Variants in PTPRD observed in about 807,000 individuals in gnomAD.
PTPRD encodes protein tyrosine phosphatase receptor type D, also known as receptor-type tyrosine-protein phosphatase delta.
In PTPRD, 34 loss-of-function variants were observed where a neutral mutation model predicts 214.5. That is an observed-to-expected ratio of 0.16 (90% CI 0.12 to 0.21). PTPRD has a LOEUF of 0.21. Among genes scored for constraint, PTPRD ranks in the 10% least tolerant of loss-of-function variants. PTPRD has a pLI of 1.00. For synonymous variants in PTPRD, 1,128 were observed against 845.7 expected, an observed-to-expected ratio of 1.33 and a Z score of -5.79; for missense variants, 2,545 against 2,398.7, an observed-to-expected ratio of 1.06 and a Z score of -1.27.
chr9:10,551,373 T>C lies in PTPRD; in HGVS notation c.-600+61025A>G, dbSNP rs1345940946. Among the ~76,000 whole-genome samples, 4 of 152,058 alleles carry C rather than the reference T, an allele frequency of 2.6e-5. No individual in the cohort carries two copies. The South Asian group carries it at 6.2e-4, about 24-fold the overall frequency. ...AAAATAAAAATAAAAATTACATATT[T>C]ACCACCGTGATTCATGTTCCTTGTG... On this transcript the variant is annotated intron_variant, in intron 2 of 45. Coordinates refer to ENST00000381196, the MANE Select transcript of PTPRD (RefSeq NM_002839.4).
chr9:9,110,847 A>G (rs557315346), intron 10 of PTPRD, among the ~76,000 whole-genome samples: 1 of 152,152 alleles, frequency 6.6e-6, no homozygotes, highest in Non-Finnish European at 1.5e-5. Flanking sequence ...ATTTTACTAG[A>G]ATGTAGCCAC....
At chr9:9,423,876 A>G (rs2079795098) in intron 8 of PTPRD, among the ~76,000 whole-genome samples, 1 of 152,194 alleles carries the variant, frequency 6.6e-6, no homozygotes, top group Non-Finnish European at 1.5e-5. Flanking sequence ...AAAAATACAA[A>G]ACTTACGAGA....
intron 33 of PTPRD, 154 bp from the exon 34 acceptor site, chr9:8,449,991 T>C (rs1340691268): frequency 1.9e-5 from 13 of 688,924 alleles, no homozygotes; most frequent in Non-Finnish European, 2.6e-5. Flanking sequence ...CGGGTTGCTT[T>C]TCCCCCCTGG....
At chr9:8,754,679 T>G (rs1323409223) in intron 11 of PTPRD, among the ~76,000 whole-genome samples, 1 of 152,208 alleles carries the variant, frequency 6.6e-6, no homozygotes, top group African/African-American at 2.4e-5. Context: ...GTAGCCTTTC[T>G]CAAAGCATGT....
At chr9:8,591,912 A>C (rs1176492024) in intron 14 of PTPRD, among the ~76,000 whole-genome samples, 1 of 152,154 alleles carries the variant, frequency 6.6e-6, no homozygotes, top group Non-Finnish European at 1.5e-5. Flanking sequence ...CTTTAAATTT[A>C]GATTTGACTC....
chr9:9,434,369 A>T (rs1166839324), intron 8 of PTPRD, among the ~76,000 whole-genome samples: 1 of 152,198 alleles, frequency 6.6e-6, no homozygotes, highest in Middle Eastern at 3.2e-3. Flanking sequence ...AGAAGGAAAG[A>T]TAAATAAATG....
At chr9:9,302,847 C>G (rs13283600) in intron 9 of PTPRD, among the ~76,000 whole-genome samples, 4 of 151,720 alleles carry the variant, frequency 2.6e-5, no homozygotes, top group African/African-American at 9.7e-5. Context: ...TTTAAAACCA[C>G]CCGTAGTTTC....
intron 7 of PTPRD, among the ~76,000 whole-genome samples, chr9:9,657,225 G>T (rs559138992): frequency 3.8e-4 from 58 of 152,048 alleles, no homozygotes; most frequent in African/African-American, 1.4e-3. Flanking sequence ...GTAAAAAATT[G>T]AGACAAATTA....
At chr9:9,815,186 G>C (rs910215009) in intron 5 of PTPRD, among the ~76,000 whole-genome samples, 5 of 152,100 alleles carry the variant, frequency 3.3e-5, no homozygotes, top group African/African-American at 4.8e-5. Flanking sequence ...AGAATAGAGA[G>C]CCCATACTCA....
intron 3 of PTPRD, among the ~76,000 whole-genome samples, chr9:10,274,147 C>T (rs137950271): frequency 3.5e-4 from 54 of 152,190 alleles, no homozygotes; most frequent in African/African-American, 1.2e-3. Flanking sequence ...ATTTAATGCT[C>T]CCATTACAGG....
intron 2 of PTPRD, among the ~76,000 whole-genome samples, chr9:10,438,819 T>A (rs1462562583): frequency 6.6e-6 from 1 of 151,754 alleles, no homozygotes; most frequent in African/African-American, 2.4e-5. Context: ...TGGGAAGGGT[T>A]ATATCTACTT....
intron 9 of PTPRD, among the ~76,000 whole-genome samples, chr9:9,313,578 A>G (rs952551024): frequency 1.3e-5 from 2 of 152,172 alleles, no homozygotes; most frequent in Non-Finnish European, 2.9e-5. Flanking sequence ...ATCCAAATCT[A>G]GCTGCTCAAT....
chr9:10,264,767 A>AG (rs1396929206), intron 3 of PTPRD, among the ~76,000 whole-genome samples: 1 of 151,698 alleles, frequency 6.6e-6, no homozygotes, highest in Non-Finnish European at 1.5e-5. Context: ...GGGAGGGACC[A>AG]GGGGCGGAAT....
At chr9:9,602,753 G>A (rs2093871329) in intron 7 of PTPRD, among the ~76,000 whole-genome samples, 1 of 152,032 alleles carries the variant, frequency 6.6e-6, no homozygotes, top group Non-Finnish European at 1.5e-5. Context: ...ATCTTGAAAT[G>A]TTCTTTCATG....
At chr9:10,080,597 T>G (rs181557895) in intron 3 of PTPRD, among the ~76,000 whole-genome samples, 1 of 152,140 alleles carries the variant, frequency 6.6e-6, no homozygotes, top group Admixed American at 6.6e-5. Context: ...ATGTTCTACA[T>G]GCAAATAACA....
At chr9:8,664,514 T>A (rs1398863332) in intron 12 of PTPRD, among the ~76,000 whole-genome samples, 1 of 152,130 alleles carries the variant, frequency 6.6e-6, no homozygotes, top group Non-Finnish European at 1.5e-5. Context: ...AAAACAAGCC[T>A]TTATATAGTA....
At chr9:10,233,466 A>C (rs1330091449) in intron 3 of PTPRD, among the ~76,000 whole-genome samples, 1 of 152,036 alleles carries the variant, frequency 6.6e-6, no homozygotes, top group Non-Finnish European at 1.5e-5. Context: ...TTCAAAGTCC[A>C]ACAGCTTGAG....
chr9:9,355,591 T>A (rs1569567659), intron 9 of PTPRD, among the ~76,000 whole-genome samples: 1 of 151,514 alleles, frequency 6.6e-6, no homozygotes, highest in South Asian at 2.1e-4. Flanking sequence ...ACAAGTTTCA[T>A]TTTATATGTT....
At chr9:10,079,698 A>C (rs1363484644) in intron 3 of PTPRD, among the ~76,000 whole-genome samples, 1 of 152,136 alleles carries the variant, frequency 6.6e-6, no homozygotes, top group Admixed American at 6.5e-5. Context: ...TCACAGCTGT[A>C]AATCTTCGTG....
Sources: allele counts gnomAD v4.1 joint callset (sites outside exome capture counted in the v4.1 genomes callset), GRCh38; gene constraint gnomAD v4.1.1; transcripts MANE v1.5; gene names NCBI Gene and HGNC (gene_info 2026-07-23, HGNC 2026-07-21).